Variants in DNAH6 observed in about 807,000 individuals in gnomAD.
DNAH6 encodes dynein axonemal heavy chain 6.
DNAH6 carries 340 observed loss-of-function variants against 491.4 expected under a neutral mutation model. The observed-to-expected ratio is 0.69, with a 90% CI of 0.63 to 0.76. The LOEUF is 0.76. Among genes scored for constraint, DNAH6 ranks in the 30% least tolerant of loss-of-function variants. DNAH6 has a pLI of 0.00. For missense variants in DNAH6, 4,443 were observed against 4,972.2 expected (o/e 0.89, Z 3.20); for synonymous variants, 1,603 against 1,686.1 (o/e 0.95, Z 1.21).
At chr2:84,505,200 A>C in the DNAH6 span, among the ~76,000 whole-genome samples, 1 of 152,146 alleles carries the variant, frequency 6.6e-6, no homozygotes, top group Non-Finnish European at 1.5e-5. Context: ...TGGGTTGATC[A>C]TGTATCCTGT....
intron 16 of DNAH6, among the ~76,000 whole-genome samples, chr2:84,589,666 C>T (rs992714097): frequency 1.4e-5 from 2 of 142,124 alleles, no homozygotes; most frequent in Non-Finnish European, 3.0e-5. Flanking sequence ...GAGCCAAGAT[C>T]GTGACACCGC....
intron 45 of DNAH6, among the ~76,000 whole-genome samples, chr2:84,693,084 G>T (rs754871931): frequency 6.6e-6 from 1 of 152,040 alleles, no homozygotes; most frequent in Non-Finnish European, 1.5e-5. Flanking sequence ...CAGTCCCAGT[G>T]GTTTCTTCTA....
At chr2:84,651,831 G>A (rs77725179) in intron 33 of DNAH6, among the ~76,000 whole-genome samples, 3,294 of 152,190 alleles carry the variant, frequency 0.022, 125 homozygotes, top group African/African-American at 0.075. Context: ...TCTTTCTGGA[G>A]AAATAAGTTG....
chr2:84,646,607 C>A (rs56764647), intron 33 of DNAH6, among the ~76,000 whole-genome samples: 27,952 of 152,190 alleles, frequency 0.18, 4,939 homozygotes, highest in African/African-American at 0.46. Flanking sequence ...CTTATTGCTG[C>A]TATGGAGAAA....
intron 37 of DNAH6, among the ~76,000 whole-genome samples, chr2:84,668,805 TCC>T: frequency 7.2e-6 from 1 of 139,200 alleles, no homozygotes; most frequent in East Asian, 2.2e-4. Flanking sequence ...AAATGAGCCA[TCC>T]CTCTGTGTGT....
chr2:84,769,283 C>T (rs144433624), intron 64 of DNAH6, among the ~76,000 whole-genome samples: 299 of 152,310 alleles, frequency 2.0e-3, no homozygotes, highest in Non-Finnish European at 3.3e-3. Context: ...CCTATGGCCC[C>T]CTGAGTGTTC....
chr2:84,511,964 G>A (rs748422165), upstream of DNAH6, among the ~76,000 whole-genome samples: 38 of 152,078 alleles, frequency 2.5e-4, no homozygotes, highest in Non-Finnish European at 4.9e-4. Context: ...AAGATATTTT[G>A]TATGATTGCA....
At position 84,519,207 on chromosome 2, in the gene DNAH6, A is replaced by G. The variant is rs72939136; in HGVS notation, c.225+1156A>G. 7.6e-3 allele frequency among the ~76,000 whole-genome samples: 1,150 copies of G among 151,950 alleles called. 12 individuals carry two copies. The highest frequency in any genetic ancestry group is 0.025 in the African/African-American group (1,053 of 41,564). On this transcript the variant is annotated intron_variant, in intron 2 of 76. Coordinates refer to ENST00000389394, the MANE Select transcript of DNAH6 (RefSeq NM_001370.2). ...GATATCTGCAATTTAGGCAGAGCTC[A>G]GTGGGGACAGCTTGCCTCTACTCCA...
At chr2:84,638,831 C>CTT (rs1689115061) in intron 31 of DNAH6, among the ~76,000 whole-genome samples, 1 of 152,026 alleles carries the variant, frequency 6.6e-6, no homozygotes, top group East Asian at 1.9e-4. Context: ...CCTTAAGGAG[C>CTT]TTTTACTCAT....
intron 37 of DNAH6, among the ~76,000 whole-genome samples, chr2:84,666,447 A>G (rs1187435727): frequency 6.6e-6 from 1 of 152,184 alleles, no homozygotes; most frequent in Non-Finnish European, 1.5e-5. Context: ...AAGCATTCCT[A>G]TACACCAATA....
At position 84,672,429 on chromosome 2, in the gene DNAH6, A is replaced by G. The variant is rs1357158797; in HGVS notation, c.6557A>G (p.Tyr2186Cys). 6 of 1,551,696 alleles carry G rather than the reference A, an allele frequency of 3.9e-6. No individual in the cohort carries two copies. The East Asian group carries it at 7.3e-5, about 19-fold the overall frequency. ...SQPPIELLRQYQDFGGFYDRN... is the reference protein window; with the variant it reads ...SQPPIELLRQCQDFGGFYDRN... ...CCTCCGATTGAATTACTTCGGCAGT[A>G]TCAAGATTTTGGGGGATTTTATGAC... is the stretch of plus-strand genomic sequence containing the variant. The change falls in exon 40 of 77, where the codon TAT becomes TGT. Residue 2186 changes from tyrosine to cysteine, a missense_variant. By Grantham distance (194) the Tyr-to-Cys change is radical (BLOSUM62 -2). Transcript: ENST00000389394.
chr2:84,801,004 C>T (rs1678840481), intron 70 of DNAH6, among the ~76,000 whole-genome samples: 1 of 148,206 alleles, frequency 6.7e-6, no homozygotes, highest in African/African-American at 2.5e-5. Context: ...GAACAAAAAA[C>T]CAAACACCCC....
intron 62 of DNAH6, among the ~76,000 whole-genome samples, chr2:84,739,260 T>C (rs1454770252): frequency 6.6e-6 from 1 of 152,168 alleles, no homozygotes; most frequent in African/African-American, 2.4e-5. Flanking sequence ...CTAGGTGCCT[T>C]TAAAGTTCTC....
At chr2:84,606,868 A>T in intron 20 of DNAH6, 108 bp from the exon 21 acceptor site, 1 of 1,146,392 alleles carries the variant, frequency 8.7e-7, no homozygotes, top group Non-Finnish European at 1.2e-6. Context: ...CTAAGCTATT[A>T]ATTCAAAGAG....
At chr2:84,729,293 G>A (rs1698932369) in intron 61 of DNAH6, among the ~76,000 whole-genome samples, 1 of 152,150 alleles carries the variant, frequency 6.6e-6, no homozygotes, top group Admixed American at 6.6e-5. Flanking sequence ...GCACAGAAAG[G>A]TTAAGTAACT....
chr2:84,560,460 T>A (rs1407537978), intron 11 of DNAH6, among the ~76,000 whole-genome samples: 1 of 151,842 alleles, frequency 6.6e-6, no homozygotes, highest in Non-Finnish European at 1.5e-5. Flanking sequence ...TTTTCTTTTT[T>A]TTTTTATTAT....
intron 59 of DNAH6, among the ~76,000 whole-genome samples, chr2:84,720,365 G>A (rs1446953859): frequency 4.9e-5 from 6 of 123,296 alleles, no homozygotes; most frequent in South Asian, 5.9e-4. Context: ...TGCAAGCTCC[G>A]CCTCCCGGGT....
chr2:84,544,689 G>T, intron 5 of DNAH6, among the ~76,000 whole-genome samples, 189 bp downstream of exon 5: 1 of 152,108 alleles, frequency 6.6e-6, no homozygotes, highest in Non-Finnish European at 1.5e-5. Context: ...TTTAACTAGG[G>T]TTGCAAAATG....
intron 40 of DNAH6, among the ~76,000 whole-genome samples, chr2:84,674,523 C>G (rs1231953956): frequency 6.6e-6 from 1 of 152,124 alleles, no homozygotes; most frequent in African/African-American, 2.4e-5. Context: ...CTGATGGGGT[C>G]ACAGGTAGTA....
Sources: allele counts gnomAD v4.1 joint callset (sites outside exome capture counted in the v4.1 genomes callset), GRCh38; gene constraint gnomAD v4.1.1; transcripts MANE v1.5; gene names NCBI Gene and HGNC (gene_info 2026-07-23, HGNC 2026-07-21).